The following GRM8 variants were observed in gnomAD, a reference collection of about 807,000 sequenced individuals.
The protein encoded by GRM8 is metabotropic glutamate receptor 8.
A neutral mutation model predicts 87.2 loss-of-function variants in GRM8; 47 were observed. The ratio of observed to expected loss-of-function variants is 0.54; its 90% CI spans 0.43 to 0.69. The LOEUF (loss-of-function observed/expected upper bound fraction) is 0.69, where lower values mean the gene tolerates loss of function less well. Among genes scored for constraint, GRM8 ranks in the 30% least tolerant of loss-of-function variants. GRM8 has a pLI of 0.00. For missense variants in GRM8, 1,019 were observed against 1,139.2 expected, an observed-to-expected ratio of 0.89 and a Z score of 1.52; for synonymous variants, 396 against 404.5, an observed-to-expected ratio of 0.98 and a Z score of 0.25.
intron 6 of GRM8, among the ~76,000 whole-genome samples, chr7:126,819,085 T>C (rs1325165310): frequency 6.6e-6 from 1 of 152,176 alleles, no homozygotes; most frequent in Non-Finnish European, 1.5e-5. Context: ...CGTTTCTGTG[T>C]CTACCCAGCC....
intron 5 of GRM8, among the ~76,000 whole-genome samples, chr7:126,903,466 C>T (rs574702330): frequency 3.3e-5 from 5 of 151,304 alleles, no homozygotes; most frequent in East Asian, 1.9e-4. Context: ...CATGGAAATA[C>T]GCAAACTCAA....
chr7:127,049,676 T>C lies in GRM8; in HGVS notation c.727+56820A>G, dbSNP rs1819276853. 2.0e-5 allele frequency among the ~76,000 whole-genome samples: 3 copies of C among 151,930 alleles called. No homozygotes were observed. The South Asian group carries it at 6.2e-4, about 32-fold the overall frequency. On this transcript the variant is annotated intron_variant, in intron 3 of 10. Transcript: ENST00000339582. ...ATACTTAGAAGTATTAGGAGAGCCA[T>C]GAGAAGGAGGGAAGATGTAGAGCTG...
At chr7:127,235,136 C>G (rs1349760195) in intron 2 of GRM8, among the ~76,000 whole-genome samples, 2 of 152,212 alleles carry the variant, frequency 1.3e-5, no homozygotes, top group African/African-American at 4.8e-5. Flanking sequence ...ACTTTTCAAA[C>G]AACCTCATTA....
chr7:126,613,556 G>C (rs1799138285), intron 7 of GRM8, among the ~76,000 whole-genome samples: 1 of 152,196 alleles, frequency 6.6e-6, no homozygotes, highest in Admixed American at 6.5e-5. Context: ...AGCCCACCGA[G>C]TGTGAGCCAA....
chr7:126,966,961 A>G (rs1407500981), intron 3 of GRM8, among the ~76,000 whole-genome samples: 1 of 152,206 alleles, frequency 6.6e-6, no homozygotes, highest in Non-Finnish European at 1.5e-5. Context: ...TTTGTAATAC[A>G]ATATTGTAAT....
chr7:126,877,936 G>T (rs1799673008), intron 6 of GRM8, among the ~76,000 whole-genome samples: 2 of 152,166 alleles, frequency 1.3e-5, no homozygotes, highest in Admixed American at 1.3e-4. Context: ...ACTCCCCTGT[G>T]AAATATATGA....
intron 3 of GRM8, among the ~76,000 whole-genome samples, chr7:127,054,734 C>G (rs1819818874): frequency 6.6e-6 from 1 of 152,040 alleles, no homozygotes; most frequent in Admixed American, 6.6e-5. Flanking sequence ...AGATAGAAAA[C>G]AAGGTCCTAA....
At chr7:126,774,342 T>A (rs149507018) in intron 6 of GRM8, among the ~76,000 whole-genome samples, 3 of 152,188 alleles carry the variant, frequency 2.0e-5, no homozygotes, top group Non-Finnish European at 4.4e-5. Flanking sequence ...CTCATCAACC[T>A]AATTGGCTGT....
chr7:126,974,980 G>A (rs1205398654), intron 3 of GRM8, among the ~76,000 whole-genome samples: 1 of 131,688 alleles, frequency 7.6e-6, no homozygotes, highest in East Asian at 2.4e-4. Flanking sequence ...CACTAACTTA[G>A]TCAATGTGAC....
At chr7:126,930,384 G>T (rs960164963) in intron 3 of GRM8, among the ~76,000 whole-genome samples, 3 of 152,172 alleles carry the variant, frequency 2.0e-5, no homozygotes, top group Non-Finnish European at 4.4e-5. Context: ...CTCAGTGTTG[G>T]TTAGAAATTA....
chr7:126,909,619 G>A (rs1803081131), intron 3 of GRM8, among the ~76,000 whole-genome samples: 1 of 152,144 alleles, frequency 6.6e-6, no homozygotes, highest in African/African-American at 2.4e-5. Context: ...TTCCTGGCTA[G>A]TTTCCTTGCA....
chr7:126,992,854 T>C (rs1320602003), intron 3 of GRM8, among the ~76,000 whole-genome samples: 2 of 151,380 alleles, frequency 1.3e-5, no homozygotes, highest in East Asian at 3.9e-4. Context: ...TGTGTGTGTG[T>C]ACACAAAGAG....
chr7:126,763,472 T>TATATATAC (rs1479649712), intron 7 of GRM8, among the ~76,000 whole-genome samples: 72 of 78,350 alleles, frequency 9.2e-4, no homozygotes, highest in South Asian at 4.8e-3. Context: ...TATATATATA[T>TATATATAC]ACACACACAC....
At chr7:127,157,904 A>G (rs1411182759) in intron 2 of GRM8, among the ~76,000 whole-genome samples, 7 of 152,162 alleles carry the variant, frequency 4.6e-5, no homozygotes, top group Non-Finnish European at 7.3e-5. Flanking sequence ...GAATTGGAGC[A>G]GTGATCAGAG....
intron 3 of GRM8, among the ~76,000 whole-genome samples, chr7:126,993,540 A>G (rs2131968631): frequency 6.6e-6 from 1 of 152,312 alleles, no homozygotes; most frequent in Non-Finnish European, 1.5e-5. Context: ...GTAAGCAATC[A>G]CAGTACCTGG....
intron 3 of GRM8, among the ~76,000 whole-genome samples, chr7:127,066,320 A>G (rs1020698550): frequency 6.6e-6 from 1 of 152,242 alleles, no homozygotes; most frequent in African/African-American, 2.4e-5. Flanking sequence ...TCTGTGTCAC[A>G]GAATAACTGA....
intron 2 of GRM8, among the ~76,000 whole-genome samples, chr7:127,112,993 T>C (rs1826470961): frequency 6.6e-6 from 1 of 152,200 alleles, no homozygotes; most frequent in Admixed American, 6.5e-5. Flanking sequence ...AAAAAGTGCT[T>C]ACATCTCCCC....
chr7:126,749,793 A>G, intron 7 of GRM8, among the ~76,000 whole-genome samples: 1 of 152,206 alleles, frequency 6.6e-6, no homozygotes, highest in African/African-American at 2.4e-5. Context: ...ATGACTATAC[A>G]CTCACGAAAA....
At chr7:126,492,842 G>A (rs991476379) in intron 9 of GRM8, among the ~76,000 whole-genome samples, 14 of 151,948 alleles carry the variant, frequency 9.2e-5, no homozygotes, top group African/African-American at 3.1e-4. Context: ...AATCAAAATG[G>A]TAACATAAGC....
Sources: gnomAD v4.1 joint callset for allele counts (sites outside exome capture counted in the v4.1 genomes callset) on GRCh38, gnomAD v4.1.1 for gene constraint, MANE v1.5 for transcripts, NCBI Gene and HGNC (gene_info 2026-07-23, HGNC 2026-07-21) for gene names.